SYNJ2BP: variants seen among roughly 807,000 people sequenced by gnomAD.
The protein encoded by SYNJ2BP is synaptojanin-2-binding protein.
Under a neutral mutation model 16.9 loss-of-function variants are expected in SYNJ2BP, and 10 were observed. The observed-to-expected ratio is 0.59, with a 90% CI of 0.36 to 1.00. The LOEUF (loss-of-function observed/expected upper bound fraction) is 1.00. Among genes scored for constraint, SYNJ2BP ranks in the 50% least tolerant of loss-of-function variants. SYNJ2BP has a pLI of 0.01. For missense variants in SYNJ2BP, 162 were observed against 186.7 expected, an observed-to-expected ratio of 0.87 and a Z score of 0.77; for synonymous variants, 54 against 68.4, an observed-to-expected ratio of 0.79 and a Z score of 1.04.
chr14:70,372,860 CAA>C lies in SYNJ2BP; in HGVS notation c.*129_*130del. ...ATGAAGAATTGGAGACTGTGAACAG[CAA>C]GGTTTGGGGTGGGTATCAGTCACTT... On this transcript the variant is annotated 3_prime_UTR_variant, in exon 4 of 4. Transcript: ENST00000256366. 4 of 1,340,732 alleles carry C rather than the reference CAA, an allele frequency of 3.0e-6. No individual in the cohort carries two copies. Among genetic ancestry groups the C allele is most frequent in the Non-Finnish European group, 4.1e-6 (4 of 984,310 alleles). The allele number at this position is 1,340,732 out of a possible 1,614,324, so 83.1% of individuals were successfully genotyped here.
chr14:70,379,398 C>T (rs984309034), intron 2 of SYNJ2BP, among the ~76,000 whole-genome samples: 2 of 152,186 alleles, frequency 1.3e-5, no homozygotes, highest in Non-Finnish European at 2.9e-5. Flanking sequence ...TTTCCTATAT[C>T]CTATACTCTA....
chr14:70,373,670 G>A (rs766614758), intron 3 of SYNJ2BP, among the ~76,000 whole-genome samples: 13 of 152,272 alleles, frequency 8.5e-5, no homozygotes, highest in Non-Finnish European at 1.6e-4. Context: ...TCCAAAGATG[G>A]GGTTTTGCCC....
At chr14:70,390,959 C>T (rs1014595005) in intron 1 of SYNJ2BP, among the ~76,000 whole-genome samples, 1 of 152,064 alleles carries the variant, frequency 6.6e-6, no homozygotes. Flanking sequence ...CGTGGTGAAA[C>T]CCCGTCTCTA....
At chr14:70,395,718 A>G (rs1271983861) in intron 1 of SYNJ2BP, among the ~76,000 whole-genome samples, 3 of 152,198 alleles carry the variant, frequency 2.0e-5, no homozygotes, top group Non-Finnish European at 4.4e-5. Context: ...TCGTATAATC[A>G]TCACCACCAC....
intron 1 of SYNJ2BP, among the ~76,000 whole-genome samples, chr14:70,411,675 T>C (rs2140875919): frequency 6.6e-6 from 1 of 152,342 alleles, no homozygotes; most frequent in East Asian, 1.9e-4. Context: ...GCCTAAAGCC[T>C]GTCCATTCCA....
intron 1 of SYNJ2BP, among the ~76,000 whole-genome samples, chr14:70,397,659 C>G (rs1249600586): frequency 6.6e-6 from 1 of 152,160 alleles, no homozygotes; most frequent in Admixed American, 6.5e-5. Flanking sequence ...ACCGTAGGGT[C>G]CCAAGGAGAA....
intron 1 of SYNJ2BP, among the ~76,000 whole-genome samples, chr14:70,398,209 G>A (rs1020273420): frequency 1.3e-5 from 2 of 152,268 alleles, no homozygotes; most frequent in East Asian, 3.9e-4. Context: ...CTGGTCCATG[G>A]GCAGCCACAG....
At chr14:70,409,956 A>T (rs1047633002) in intron 1 of SYNJ2BP, among the ~76,000 whole-genome samples, 37 of 2,702 alleles carry the variant, frequency 0.014, no homozygotes, top group East Asian at 0.056. Flanking sequence ...CAAATAATTA[A>T]AAAAAAAAAA....
intron 2 of SYNJ2BP, among the ~76,000 whole-genome samples, chr14:70,383,571 A>G (rs1249374204): frequency 1.3e-5 from 2 of 152,220 alleles, no homozygotes; most frequent in African/African-American, 2.4e-5. Context: ...TCAACTGTGT[A>G]GTATGACCAG....
At chr14:70,391,326 T>G (rs1887977115) in intron 1 of SYNJ2BP, among the ~76,000 whole-genome samples, 1 of 152,212 alleles carries the variant, frequency 6.6e-6, no homozygotes, top group Non-Finnish European at 1.5e-5. Context: ...AGATGCTATT[T>G]TAACTTCCTT....
At chr14:70,411,051 A>T (rs1283478331) in intron 1 of SYNJ2BP, among the ~76,000 whole-genome samples, 1 of 152,202 alleles carries the variant, frequency 6.6e-6, no homozygotes, top group African/African-American at 2.4e-5. Flanking sequence ...ATGTTCTTTG[A>T]CTCAGAAGAG....
chr14:70,409,224 A>G (rs1213116774), intron 1 of SYNJ2BP, among the ~76,000 whole-genome samples: 3 of 152,188 alleles, frequency 2.0e-5, no homozygotes, highest in Non-Finnish European at 4.4e-5. Flanking sequence ...TTGAACTGCA[A>G]AATTCTTAAA....
rs142126259 is a variant in SYNJ2BP, at chr14:70,369,796, T to G, written c.*3195A>C. On this transcript the variant is annotated 3_prime_UTR_variant, in exon 4 of 4. Transcript: ENST00000256366. ...CAGCTAGTTGAAGCAAACAATATCT[T>G]ATAATTATACATGTAATACAGAATG... 1.2e-3 allele frequency: 176 copies of G among 152,330 alleles called. No homozygotes were observed. The highest frequency in any genetic ancestry group is 4.1e-3 in the African/African-American group (169 of 41,578). The allele number at this position is 152,330 out of a possible 1,614,324, so 9.4% of individuals were successfully genotyped here.
chr14:70,416,766 C>T, intron 1 of SYNJ2BP, 134 bp downstream of exon 1: 1 of 1,338,932 alleles, frequency 7.5e-7, no homozygotes, highest in Non-Finnish European at 1.0e-6. Flanking sequence ...TCTAAGCACC[C>T]CGAAGCGTTG....
chr14:70,390,696 CG>C (rs1224386098), intron 1 of SYNJ2BP, among the ~76,000 whole-genome samples: 12 of 151,506 alleles, frequency 7.9e-5, no homozygotes, highest in African/African-American at 2.9e-4. Flanking sequence ...GAGACATATG[CG>C]GGCTTTCTGA....
intron 1 of SYNJ2BP, among the ~76,000 whole-genome samples, chr14:70,395,603 C>T (rs544891405): frequency 2.6e-5 from 4 of 152,230 alleles, no homozygotes; most frequent in Admixed American, 6.6e-5. Context: ...CACAACCCCC[C>T]TGTCTGTCTT....
intron 1 of SYNJ2BP, among the ~76,000 whole-genome samples, chr14:70,399,282 C>T (rs1428052251): frequency 6.6e-6 from 1 of 152,264 alleles, no homozygotes; most frequent in South Asian, 2.1e-4. Flanking sequence ...ACACTGCTCA[C>T]CTGCTGGCGC....
chr14:70,384,566 ACT>A (rs1245175240), intron 2 of SYNJ2BP, among the ~76,000 whole-genome samples: 26 of 151,992 alleles, frequency 1.7e-4, no homozygotes. Context: ...TTTGAAGCAA[ACT>A]CTTGTAATTC....
chr14:70,393,041 A>T (rs867983259), intron 1 of SYNJ2BP, among the ~76,000 whole-genome samples: 1 of 152,202 alleles, frequency 6.6e-6, no homozygotes, highest in Non-Finnish European at 1.5e-5. Flanking sequence ...AATGGGAGAA[A>T]ATTTTTGCAA....
Sources: gnomAD v4.1 joint callset for allele counts (sites outside exome capture counted in the v4.1 genomes callset) on GRCh38, gnomAD v4.1.1 for gene constraint, MANE v1.5 for transcripts, NCBI Gene and HGNC (gene_info 2026-07-23, HGNC 2026-07-21) for gene names.